The following MSI2 variants were observed in gnomAD, a reference collection of about 807,000 sequenced individuals.
MSI2 encodes the protein musashi RNA binding protein 2, also known as RNA-binding protein Musashi homolog 2.
MSI2 carries 17 observed loss-of-function variants against 45.6 expected under a neutral mutation model. The observed-to-expected ratio is 0.37, with a 90% CI of 0.26 to 0.56. The LOEUF is 0.56. Among genes scored for constraint, MSI2 ranks in the 20% least tolerant of loss-of-function variants. The pLI, the probability that MSI2 is intolerant of heterozygous loss-of-function variation, is 0.77. For synonymous variants in MSI2, 156 were observed against 158.2 expected, an observed-to-expected ratio of 0.99 and a Z score of 0.11; for missense variants, 293 against 444.2, an observed-to-expected ratio of 0.66 and a Z score of 3.06.
At chr17:57,462,471 C>T (rs548114705) in intron 6 of MSI2, among the ~76,000 whole-genome samples, 2 of 152,360 alleles carry the variant, frequency 1.3e-5, no homozygotes, top group African/African-American at 2.4e-5. Context: ...CTAGATTCCC[C>T]TGCCCTTCTC....
chr17:57,527,088 C>G (rs2086717998), intron 6 of MSI2, among the ~76,000 whole-genome samples: 1 of 152,128 alleles, frequency 6.6e-6, no homozygotes, highest in Non-Finnish European at 1.5e-5. Flanking sequence ...CATTTATTTC[C>G]TAAGGGAATC....
At position 57,627,372 on chromosome 17, in the gene MSI2, G is replaced by A. The variant is rs1567945839; in HGVS notation, c.727+69G>A. ...GGCTGCATTTGCGGGGAGGTGAGAG[G>A]ACCCCTAAAGAGAATGCATTTCTTA... On this transcript the variant is annotated intron_variant, in intron 10 of 13. Transcript: ENST00000284073. The surrounding 1 kb of genome is among the most constrained non-coding windows in gnomAD (Gnocchi z 4.6). 1.1e-5 allele frequency: 14 copies of A among 1,331,174 alleles called. No individual in the cohort carries two copies. The highest frequency in any genetic ancestry group is 3.5e-5 in the South Asian group (3 of 85,054). The allele number at this position is 1,331,174 out of a possible 1,614,324, so 82.5% of individuals were successfully genotyped here.
intron 5 of MSI2, among the ~76,000 whole-genome samples, chr17:57,362,427 C>T (rs1379583569): frequency 3.9e-5 from 6 of 152,106 alleles, no homozygotes; most frequent in African/African-American, 9.7e-5. Context: ...GGAGAGATGG[C>T]GAAGTAACTT....
chr17:57,502,915 G>A (rs985696073), intron 6 of MSI2, among the ~76,000 whole-genome samples: 1 of 151,968 alleles, frequency 6.6e-6, no homozygotes, highest in African/African-American at 2.4e-5. Context: ...TGCTCACCAA[G>A]CCCTGAGCTT....
chr17:57,275,641 A>G (rs1225759490), intron 5 of MSI2, among the ~76,000 whole-genome samples: 1 of 152,152 alleles, frequency 6.6e-6, no homozygotes, highest in East Asian at 1.9e-4. Context: ...GGTGGAATTT[A>G]CCAGGTATTG....
At chr17:57,457,168 T>G (rs546248034) in intron 6 of MSI2, among the ~76,000 whole-genome samples, 1 of 152,310 alleles carries the variant, frequency 6.6e-6, no homozygotes, top group South Asian at 2.1e-4. Context: ...CTCTAATAAC[T>G]CCTATCACTT....
At chr17:57,638,403 T>C (rs1598481249) in intron 10 of MSI2, among the ~76,000 whole-genome samples, 1 of 152,232 alleles carries the variant, frequency 6.6e-6, no homozygotes, top group East Asian at 1.9e-4. Flanking sequence ...CACAAGTTGC[T>C]GAGCAAGGGT....
chr17:57,698,574 G>T, the MSI2 span, among the ~76,000 whole-genome samples: 1 of 152,266 alleles, frequency 6.6e-6, no homozygotes, highest in African/African-American at 2.4e-5. Context: ...AGCCTTTTGT[G>T]TGAAGTGCAG....
At chr17:57,507,372 A>T (rs1488414354) in intron 6 of MSI2, among the ~76,000 whole-genome samples, 1 of 151,494 alleles carries the variant, frequency 6.6e-6, no homozygotes, top group Non-Finnish European at 1.5e-5. Context: ...GAGTCTGTGT[A>T]CTTCTTCCAA....
intron 6 of MSI2, among the ~76,000 whole-genome samples, chr17:57,525,315 C>T (rs2086675290): frequency 6.6e-6 from 1 of 152,078 alleles, no homozygotes; most frequent in South Asian, 2.1e-4. Context: ...GACAGGGTCT[C>T]GCTCTGTAGC....
intron 8 of MSI2, among the ~76,000 whole-genome samples, chr17:57,614,328 C>T (rs1361855179): frequency 2.6e-5 from 4 of 152,204 alleles, no homozygotes; most frequent in African/African-American, 4.8e-5. Context: ...GTTGGGATTA[C>T]AGGTGTGAGC....
chr17:57,374,184 G>A lies in MSI2; in HGVS notation c.313-27195G>A, dbSNP rs114486814. On this transcript the variant is annotated intron_variant, in intron 5 of 13. Coordinates refer to ENST00000284073, the MANE Select transcript of MSI2 (RefSeq NM_138962.4). ...CAGAAGCTATATGCAGAAACATAGCGTCAATAGGGTGGCAGCACTACATTG... is the reference window on the plus strand; with the variant it reads ...CAGAAGCTATATGCAGAAACATAGCATCAATAGGGTGGCAGCACTACATTG... 8.2e-3 allele frequency among the ~76,000 whole-genome samples: 1,242 copies of A among 152,300 alleles called. 19 individuals are homozygous for A. Among genetic ancestry groups the A allele is most frequent in the African/African-American group, 0.028 (1,177 of 41,566 alleles).
chr17:57,461,241 C>T (rs1466789743), intron 6 of MSI2, among the ~76,000 whole-genome samples: 1 of 152,194 alleles, frequency 6.6e-6, no homozygotes, highest in Non-Finnish European at 1.5e-5. Flanking sequence ...GGGCTCCACA[C>T]ACAGACAGCA....
At chr17:57,507,710 A>G in intron 6 of MSI2, among the ~76,000 whole-genome samples, 1 of 152,158 alleles carries the variant, frequency 6.6e-6, no homozygotes, top group East Asian at 1.9e-4. Flanking sequence ...TAGTGAATAA[A>G]GACAGGGCCT....
At chr17:57,308,215 G>A (rs1270751769) in intron 5 of MSI2, among the ~76,000 whole-genome samples, 5 of 152,154 alleles carry the variant, frequency 3.3e-5, no homozygotes, top group African/African-American at 1.2e-4. Context: ...CATGTAGTAA[G>A]TCATGCGAGG....
downstream of MSI2, among the ~76,000 whole-genome samples, chr17:57,689,618 C>A (rs759736309): frequency 6.6e-6 from 1 of 152,152 alleles, no homozygotes; most frequent in Non-Finnish European, 1.5e-5. Context: ...ATACTATACA[C>A]CTGTTTAACT....
At chr17:57,346,594 A>ATT (rs1431183999) in intron 5 of MSI2, among the ~76,000 whole-genome samples, 5 of 152,132 alleles carry the variant, frequency 3.3e-5, no homozygotes, top group Non-Finnish European at 7.4e-5. Flanking sequence ...TTAGCAGAAC[A>ATT]TTTTGCAAAG....
chr17:57,442,858 C>G (rs939249690), intron 6 of MSI2, among the ~76,000 whole-genome samples: 1 of 152,216 alleles, frequency 6.6e-6, no homozygotes, highest in African/African-American at 2.4e-5. Flanking sequence ...CTCCTTGAAA[C>G]AGGAGAGCCT....
At chr17:57,585,799 C>T (rs556251543) in intron 7 of MSI2, among the ~76,000 whole-genome samples, 7 of 152,356 alleles carry the variant, frequency 4.6e-5, no homozygotes, top group Admixed American at 1.3e-4. Flanking sequence ...GCCATGCTCC[C>T]GCAGTTGGAG....
Sources: gnomAD v4.1 joint callset for allele counts (sites outside exome capture counted in the v4.1 genomes callset) on GRCh38, gnomAD v4.1.1 for gene constraint, Gnocchi (gnomAD v3.1) non-coding constraint, MANE v1.5 for transcripts, NCBI Gene and HGNC (gene_info 2026-07-23, HGNC 2026-07-21) for gene names.